The following PDE1C variants were observed in gnomAD, a reference collection of about 807,000 sequenced individuals.
PDE1C encodes dual specificity calcium/calmodulin-dependent 3',5'-cyclic nucleotide phosphodiesterase 1C.
A neutral mutation model predicts 93.1 loss-of-function variants in PDE1C; 62 were observed. The ratio of observed to expected loss-of-function variants is 0.67; its 90% confidence interval spans 0.54 to 0.82. The LOEUF (loss-of-function observed/expected upper bound fraction) is 0.82, where lower values mean the gene tolerates loss of function less well. Among genes scored for constraint, PDE1C ranks in the 40% least tolerant of loss-of-function variants. PDE1C has a pLI of 0.00. For synonymous variants in PDE1C, 325 were observed against 310.1 expected (o/e 1.05, Z -0.50); for missense variants, 742 against 884.6 (o/e 0.84, Z 2.04).
chr7:32,372,052 A>AT (rs70989652), intron 1 of PDE1C, among the ~76,000 whole-genome samples: 111,910 of 132,420 alleles, frequency 0.85, 47,689 homozygotes, highest in East Asian at 0.93. Flanking sequence ...TGGTCAATTG[A>AT]TTTTTTTTTT....
intron 1 of PDE1C, among the ~76,000 whole-genome samples, chr7:32,398,282 G>A (rs1332938623): frequency 2.0e-4 from 28 of 138,958 alleles, no homozygotes; most frequent in Admixed American, 1.8e-3. Context: ...CAGCCTGGGT[G>A]ACAGGGCGAG....
At chr7:31,857,854 A>C (rs1324970720) in intron 7 of PDE1C, among the ~76,000 whole-genome samples, 1 of 152,242 alleles carries the variant, frequency 6.6e-6, no homozygotes, top group Non-Finnish European at 1.5e-5. Context: ...CAAAACGTGT[A>C]GGTACATTCA....
At chr7:32,084,455 G>T (rs144053996) in intron 3 of PDE1C, among the ~76,000 whole-genome samples, 86,452 of 141,008 alleles carry the variant, frequency 0.61, 27,040 homozygotes, top group African/African-American at 0.7. Context: ...AGACAGAAAG[G>T]TAACAAGCAT....
At chr7:32,224,378 A>C (rs73306605) in intron 1 of PDE1C, among the ~76,000 whole-genome samples, 3,716 of 152,240 alleles carry the variant, frequency 0.024, 85 homozygotes, top group African/African-American at 0.063. Flanking sequence ...CTCAAAAAAA[A>C]AAAAGACTGC....
intron 2 of PDE1C, among the ~76,000 whole-genome samples, chr7:31,978,712 T>C (rs2129056803): frequency 6.6e-6 from 1 of 152,258 alleles, no homozygotes; most frequent in East Asian, 1.9e-4. Context: ...GCCAGGGATG[T>C]TGGAACTGTC....
intron 1 of PDE1C, among the ~76,000 whole-genome samples, chr7:32,422,484 C>T (rs28459689): frequency 7.8e-5 from 11 of 141,000 alleles, no homozygotes; most frequent in Admixed American, 3.5e-4. Context: ...CTTTCCCCCC[C>T]ACCTGGCCTC....
At chr7:32,328,217 C>T (rs1006254289) in intron 1 of PDE1C, among the ~76,000 whole-genome samples, 5 of 152,108 alleles carry the variant, frequency 3.3e-5, no homozygotes, top group Non-Finnish European at 7.4e-5. Flanking sequence ...TGATTTTGTG[C>T]CCTTTTTTGT....
chr7:32,083,439 C>G (rs1796847895), intron 3 of PDE1C, among the ~76,000 whole-genome samples: 1 of 152,078 alleles, frequency 6.6e-6, no homozygotes, highest in Non-Finnish European at 1.5e-5. Flanking sequence ...AGGATATTAT[C>G]CAGGAGAACT....
intron 3 of PDE1C, among the ~76,000 whole-genome samples, chr7:32,145,177 G>T (rs1242765438): frequency 1.3e-5 from 2 of 152,322 alleles, no homozygotes; most frequent in African/African-American, 2.4e-5. Context: ...TGGATGAAAA[G>T]ATTCTAAAGG....
At chr7:32,405,523 A>AG (rs1232139243) in intron 1 of PDE1C, among the ~76,000 whole-genome samples, 2 of 152,166 alleles carry the variant, frequency 1.3e-5, no homozygotes, top group African/African-American at 4.8e-5. Context: ...CTGGGATTAC[A>AG]GGTGTGAGCC....
At chr7:31,625,336 G>A in the PDE1C span, among the ~76,000 whole-genome samples, 21 of 151,828 alleles carry the variant, frequency 1.4e-4, no homozygotes, top group East Asian at 1.5e-3. Context: ...TGTTTATTGC[G>A]GCACTATTCA....
intron 1 of PDE1C, among the ~76,000 whole-genome samples, chr7:32,342,164 C>T (rs978455021): frequency 1.3e-5 from 2 of 152,098 alleles, no homozygotes; most frequent in African/African-American, 4.8e-5. Context: ...TTTCTTCATC[C>T]ATTCCATTGT....
intron 2 of PDE1C, among the ~76,000 whole-genome samples, chr7:31,931,439 C>A (rs1238878958): frequency 6.6e-6 from 1 of 152,094 alleles, no homozygotes; most frequent in Non-Finnish European, 1.5e-5. Context: ...TCCTATACAC[C>A]AATAGCAGAC....
chr7:31,775,881 T>C (rs973218030), intron 16 of PDE1C, 149 bp from the exon 17 acceptor site: 1 of 674,534 alleles, frequency 1.5e-6, no homozygotes, highest in Non-Finnish European at 2.6e-6. Context: ...GTGCATATTC[T>C]GTGGTCCAGA....
At chr7:32,036,494 A>C (rs987651875) in intron 2 of PDE1C, among the ~76,000 whole-genome samples, 1 of 152,192 alleles carries the variant, frequency 6.6e-6, no homozygotes, top group Non-Finnish European at 1.5e-5. Context: ...AGCACAATAA[A>C]ACATAACACA....
intron 1 of PDE1C, among the ~76,000 whole-genome samples, chr7:32,389,389 G>A (rs1219400180): frequency 2.0e-5 from 3 of 152,130 alleles, no homozygotes; most frequent in Admixed American, 6.5e-5. Context: ...ACTAATTTTT[G>A]TATTCTTAGT....
At chr7:31,992,205 G>T (rs546086977) in intron 2 of PDE1C, among the ~76,000 whole-genome samples, 1 of 152,204 alleles carries the variant, frequency 6.6e-6, no homozygotes, top group African/African-American at 2.4e-5. Flanking sequence ...GCAAGCATAG[G>T]AGTGAAACAC....
intron 2 of PDE1C, among the ~76,000 whole-genome samples, chr7:31,940,675 G>C (rs1805702689): frequency 6.8e-6 from 1 of 146,514 alleles, no homozygotes; most frequent in Non-Finnish European, 1.5e-5. Flanking sequence ...CAAGCCCCCT[G>C]TGTCTGAACA....
chr7:31,637,201 G>A, the PDE1C span, among the ~76,000 whole-genome samples: 1 of 152,062 alleles, frequency 6.6e-6, no homozygotes, highest in Non-Finnish European at 1.5e-5. Context: ...AAACATACGT[G>A]TGCATGTGTC....
Sources: gnomAD v4.1 joint callset for allele counts (sites outside exome capture counted in the v4.1 genomes callset) on GRCh38, gnomAD v4.1.1 for gene constraint, MANE v1.5 for transcripts, NCBI Gene and HGNC (gene_info 2026-07-23, HGNC 2026-07-21) for gene names.